Variants in CCDC157 observed in about 807,000 individuals in gnomAD.
CCDC157 encodes coiled-coil domain containing 157.
CCDC157 carries 60 observed loss-of-function variants against 70.9 expected under a neutral mutation model. The observed-to-expected ratio is 0.85, with a 90% CI of 0.69 to 1.05. The LOEUF is 1.05. CCDC157 is among the 50% of genes least tolerant of loss of function. The probability of loss-of-function intolerance (pLI) is 0.00; values close to 1 mark genes in which losing one functional copy is unlikely to be tolerated. For synonymous variants in CCDC157, 373 were observed against 422.4 expected (o/e 0.88, Z 1.43); for missense variants, 943 against 984.2 (o/e 0.96, Z 0.56).
In CCDC157 at chr22:30,376,771, T is replaced by C; in HGVS notation, c.*26T>C. The C allele has an allele frequency of 6.3e-7, 1 of 1,593,038 alleles. No individual in the cohort carries two copies. The highest frequency in any genetic ancestry group is 8.6e-7 in the Non-Finnish European group (1 of 1,166,560). On this transcript the variant is annotated 3_prime_UTR_variant, in exon 12 of 12. Transcript: ENST00000338306. ...CCTGTGGCCCAGGGCTGAGGCTGGA[T>C]GGGAGGTGGCTGGCAGCCCACCCAC...
chr22:30,365,914 A>T, intron 2 of CCDC157, 76 bp from the exon 3 acceptor site: 1 of 1,378,312 alleles, frequency 7.3e-7, no homozygotes, highest in Admixed American at 2.1e-5. Flanking sequence ...TCCTGGGCAG[A>T]TGAGGGTTTC....
chr22:30,378,180 T>TC lies in CCDC157; in HGVS notation c.*1440dup, dbSNP rs1933452175. 1 of 470,680 alleles carries TC rather than the reference T, an allele frequency of 2.1e-6. No homozygotes were observed. The highest frequency in any genetic ancestry group is 1.5e-5 in the South Asian group (1 of 64,562). 29.2% of individuals were successfully genotyped at this position (470,680 alleles called of 1,614,324 possible). On this transcript the variant is annotated 3_prime_UTR_variant, in exon 12 of 12. Transcript: ENST00000338306. ...AACAGAGGATTTCTCATGTGCTGAA[T>TC]CCCCCACATGCTTCAAATCCCTGAC... is the stretch of plus-strand genomic sequence containing the variant.
chr22:30,370,457 C>G lies in CCDC157; in HGVS notation c.552C>G (p.Cys184Trp). 1 of 1,614,124 alleles carries G rather than the reference C, an allele frequency of 6.2e-7. No homozygotes were observed. Among genetic ancestry groups the G allele is most frequent in the Non-Finnish European group, 8.5e-7 (1 of 1,180,036 alleles). ...CAGTGCTAGGCTTGCCCCAGACCTG[C>G]CAAGAGCCAGAGAGCATCCCTGTCA... Reference protein sequence around the residue: ...SSPVLGLPQTCQEPESIPVRA... With the variant: ...SSPVLGLPQTWQEPESIPVRA... Residue 184 changes from cysteine to tryptophan, a missense_variant, in exon 5 of 12, where the codon TGC becomes TGG. Coordinates refer to ENST00000338306, the MANE Select transcript of CCDC157 (RefSeq NM_001017437.5).
At chr22:30,359,464 G>A (rs2145851612) in intron 1 of CCDC157, among the ~76,000 whole-genome samples, 1 of 152,322 alleles carries the variant, frequency 6.6e-6, no homozygotes. Context: ...GGAGGACAGG[G>A]CTCCTTGTGC....
Position 30,372,087 on chromosome 22 carries a change from A to G in CCDC157, c.1136A>G (p.Gln379Arg), listed in dbSNP as rs1932977250. ...CTTAATGCTGCAGAGGCAAAGGCCC[A>G]GCAGCTGCAGGAGGAAGGTGAGCGC... ...ESTQAVEAKA[Q>R]QLQEEGERRA... Residue 379 changes from glutamine to arginine, a missense_variant, in exon 7 of 12, where the codon CAG (glutamine) becomes CGG (arginine). Transcript: ENST00000338306. 4.5e-6 allele frequency: 7 copies of G among 1,542,492 alleles called. No individual in the cohort carries two copies. The highest frequency in any genetic ancestry group is 6.1e-6 in the Non-Finnish European group (7 of 1,139,976).
At chr22:30,356,757 C>A, upstream of CCDC157, 1 of 1,482,144 alleles carries the variant, frequency 6.7e-7, no homozygotes, top group East Asian at 2.8e-5. Flanking sequence ...GCACGGGCGG[C>A]GGCGGGGGCA....
chr22:30,370,188 G>A lies in CCDC157; in HGVS notation c.421-138G>A, dbSNP rs41309647. ...AGGGAGAAAGTTCTCTCTTATTCAC[G>A]TCGGTGTCAGAGAACATTTGAGGGT... On this transcript the variant is annotated intron_variant, in intron 4 of 11. Coordinates refer to ENST00000338306, the MANE Select transcript of CCDC157 (RefSeq NM_001017437.5). 2.0e-3 allele frequency: 1,886 copies of A among 948,094 alleles called. 26 individuals carry two copies. Among genetic ancestry groups the A allele is most frequent in the South Asian group, 0.016 (1,029 of 64,314 alleles). 58.7% of individuals were successfully genotyped at this position (948,094 alleles called of 1,614,324 possible).
intron 5 of CCDC157, 89 bp downstream of exon 5, chr22:30,371,039 A>T (rs1932916806): frequency 6.8e-7 from 1 of 1,464,758 alleles, no homozygotes; most frequent in East Asian, 2.4e-5. Flanking sequence ...TTCCAGGGCA[A>T]GTGGTTTGTG....
At chr22:30,369,658 G>A in intron 4 of CCDC157, 55 bp downstream of exon 4, 8 of 1,358,790 alleles carry the variant, frequency 5.9e-6, no homozygotes, top group Non-Finnish European at 7.7e-6. Flanking sequence ...TCTCCCCACT[G>A]TGGTGGCCTT....
Position 30,378,114 on chromosome 22 carries a change from C to T in CCDC157, c.*1369C>T, listed in dbSNP as rs1205013549. On this transcript the variant is annotated 3_prime_UTR_variant, in exon 12 of 12. Coordinates refer to ENST00000338306, the MANE Select transcript of CCDC157 (RefSeq NM_001017437.5). ...CCTCTCACGGCTCCTAGAGGCCGTC[C>T]ACCTTCCTTGCCATGGGGCTCCCTC... 1 of 471,002 alleles carries T rather than the reference C, an allele frequency of 2.1e-6. No homozygotes were observed. The highest frequency in any genetic ancestry group is 4.4e-6 in the Non-Finnish European group (1 of 227,040). The allele number at this position is 471,002 out of a possible 1,614,324, so 29.2% of individuals were successfully genotyped here.
At position 30,366,058 on chromosome 22, in the gene CCDC157, G is replaced by GACCT; in HGVS notation, c.59_62dup (p.Gln22ProfsTer24). 17 of 1,607,454 alleles carry GACCT rather than the reference G, an allele frequency of 1.1e-5. No individual in the cohort carries two copies. The highest frequency in any genetic ancestry group is 1.4e-5 in the Non-Finnish European group (17 of 1,179,844). On this transcript the variant is annotated frameshift_variant, in exon 3 of 12. Coordinates refer to ENST00000338306, the MANE Select transcript of CCDC157 (RefSeq NM_001017437.5). LOFTEE classifies it high-confidence loss of function. ...GGAGAGCCTGCGCACAGACCTCACC[G>GACCT]ACCTGCAGGGTGCCATCGTAGACGT...
intron 1 of CCDC157, among the ~76,000 whole-genome samples, chr22:30,358,705 G>A (rs1932120996): frequency 6.6e-6 from 1 of 152,190 alleles, no homozygotes; most frequent in Non-Finnish European, 1.5e-5. Flanking sequence ...GGAGTCAAAA[G>A]TCCACCTTGA....
chr22:30,372,023 T>G, intron 6 of CCDC157, 52 bp from the exon 7 acceptor site: 1 of 1,224,264 alleles, frequency 8.2e-7, no homozygotes, highest in Non-Finnish European at 1.2e-6. Context: ...AGGTCTGAGG[T>G]AGTACAGCGC....
At chr22:30,363,527 A>G (rs966831012) in intron 2 of CCDC157, among the ~76,000 whole-genome samples, 1 of 152,072 alleles carries the variant, frequency 6.6e-6, no homozygotes, top group Non-Finnish European at 1.5e-5. Flanking sequence ...GCTGGGCCTC[A>G]GTGACTTGCC....
chr22:30,377,387 T>C lies in CCDC157; in HGVS notation c.*642T>C, dbSNP rs1933425485. 1 of 153,534 alleles carries C rather than the reference T, an allele frequency of 6.5e-6. No individual in the cohort carries two copies. The highest frequency in any genetic ancestry group is 2.4e-5 in the African/African-American group (1 of 41,428). 9.5% of individuals were successfully genotyped at this position (153,534 alleles called of 1,614,324 possible). A position where few individuals can be genotyped will look rare whatever the true frequency, so the allele number is the denominator to read the frequency against. Reference sequence around the variant, plus strand: ...GGCCTCCACCAAGCAGAGGACACCCTGCCAGCCCTGGCTTTCCCATCCCTG... The same window carrying C: ...GGCCTCCACCAAGCAGAGGACACCCCGCCAGCCCTGGCTTTCCCATCCCTG... On this transcript the variant is annotated 3_prime_UTR_variant, in exon 12 of 12. Transcript: ENST00000338306.
intron 3 of CCDC157, among the ~76,000 whole-genome samples, chr22:30,368,139 G>A (rs1009896105): frequency 6.6e-6 from 1 of 152,234 alleles, no homozygotes; most frequent in Non-Finnish European, 1.5e-5. Context: ...GTTTCAGGAT[G>A]ACCTGCCTAG....
At chr22:30,356,797 G>T, upstream of CCDC157, 1 of 1,398,380 alleles carries the variant, frequency 7.2e-7, no homozygotes, top group Non-Finnish European at 9.4e-7. Context: ...CGGCATGACT[G>T]CGACGCTCAG....
chr22:30,375,246 C>T (rs570418566), intron 9 of CCDC157: 42 of 466,200 alleles, frequency 9.0e-5, no homozygotes, highest in South Asian at 6.7e-4. Context: ...CGTGAGCCAC[C>T]GCGCCCGGCC....
intron 1 of CCDC157, among the ~76,000 whole-genome samples, 186 bp from the exon 2 acceptor site, chr22:30,361,775 G>C (rs1447783813): frequency 6.6e-6 from 1 of 152,182 alleles, no homozygotes; most frequent in Non-Finnish European, 1.5e-5. Context: ...AGGTTCTTCA[G>C]TCGAAGCCAG....
Sources: allele counts gnomAD v4.1 joint callset (sites outside exome capture counted in the v4.1 genomes callset), GRCh38; gene constraint gnomAD v4.1.1; transcripts MANE v1.5; gene names NCBI Gene and HGNC (gene_info 2026-07-23, HGNC 2026-07-21).